The following CDH13 variants were observed in gnomAD, a reference collection of about 807,000 sequenced individuals.
CDH13 encodes the protein cadherin-13.
CDH13 carries 24 observed loss-of-function variants against 63.8 expected under a neutral mutation model. That is an observed-to-expected ratio of 0.38 (90% CI 0.27 to 0.53). CDH13 has a LOEUF of 0.53. Among genes scored for constraint, CDH13 ranks in the 20% least tolerant of loss-of-function variants. The pLI, the probability that CDH13 is intolerant of heterozygous loss-of-function variation, is 0.85. For synonymous variants in CDH13, 503 were observed against 355.3 expected (o/e 1.42, Z -4.67); for missense variants, 1,049 against 903.1 (o/e 1.16, Z -2.07).
intron 2 of CDH13, among the ~76,000 whole-genome samples, chr16:82,876,683 A>G (rs567154912): frequency 6.6e-6 from 1 of 152,176 alleles, no homozygotes; most frequent in Non-Finnish European, 1.5e-5. Flanking sequence ...CCAGTTTGGG[A>G]TGTCTTTATT....
In CDH13 at chr16:82,885,952, A is replaced by G. The variant is rs181232856; in HGVS notation, c.157+27479A>G. 2.2e-4 allele frequency among the ~76,000 whole-genome samples: 33 copies of G among 152,330 alleles called. 1 individual carries two copies. Among genetic ancestry groups the G allele is most frequent in the Admixed American group, 1.6e-3 (24 of 15,302 alleles). On this transcript the variant is annotated intron_variant, in intron 2 of 13. Transcript: ENST00000567109. ...AATATTAGCTGTCTTTATCATTATT[A>G]TCCTCTTGCTAACTTAACAGAGTTT... is the stretch of plus-strand genomic sequence containing the variant.
intron 1 of CDH13, chr16:82,719,598 C>T: frequency 5.7e-6 from 2 of 353,960 alleles, no homozygotes; most frequent in Non-Finnish European, 1.1e-5. Context: ...GTAATCCCAG[C>T]ACTTTGACAA....
chr16:83,267,404 C>T (rs1162466046), intron 5 of CDH13, among the ~76,000 whole-genome samples: 1 of 152,134 alleles, frequency 6.6e-6, no homozygotes, highest in Non-Finnish European at 1.5e-5. Flanking sequence ...GAGGCAGGCA[C>T]ATCGGCTTAT....
intron 2 of CDH13, among the ~76,000 whole-genome samples, chr16:83,018,010 T>G (rs1247024335): frequency 6.6e-6 from 1 of 152,218 alleles, no homozygotes; most frequent in African/African-American, 2.4e-5. Flanking sequence ...AAAACTCTCT[T>G]CTTTTTCACT....
intron 8 of CDH13, among the ~76,000 whole-genome samples, chr16:83,669,925 C>T (rs1257817357): frequency 6.6e-6 from 1 of 152,218 alleles, no homozygotes; most frequent in African/African-American, 2.4e-5. Context: ...CAAAACAATA[C>T]TTTATGCTTT....
At chr16:82,658,063 TTTA>T (rs1243770306) in intron 1 of CDH13, among the ~76,000 whole-genome samples, 1 of 152,226 alleles carries the variant, frequency 6.6e-6, no homozygotes, top group African/African-American at 2.4e-5. Context: ...GTAGTTGTTC[TTTA>T]TTAAGTTGAA....
chr16:82,786,218 C>T (rs2151125095), intron 1 of CDH13, among the ~76,000 whole-genome samples: 1 of 152,134 alleles, frequency 6.6e-6, no homozygotes, highest in East Asian at 1.9e-4. Context: ...AAGAATTGCA[C>T]ATACTGACAT....
At chr16:83,406,420 C>CCG (rs1407298837) in intron 6 of CDH13, among the ~76,000 whole-genome samples, 11 of 149,140 alleles carry the variant, frequency 7.4e-5, no homozygotes, top group Non-Finnish European at 1.0e-4. Flanking sequence ...CTTTCTTTCC[C>CCG]CCCCCGCCTC....
chr16:82,708,769 C>T (rs1039402692), intron 1 of CDH13, among the ~76,000 whole-genome samples: 3 of 152,188 alleles, frequency 2.0e-5, no homozygotes, highest in African/African-American at 7.2e-5. Context: ...GAGAAGCTGT[C>T]AGTTTTCTGA....
intron 6 of CDH13, among the ~76,000 whole-genome samples, chr16:83,395,240 G>C (rs1349680728): frequency 6.6e-6 from 1 of 151,804 alleles, no homozygotes; most frequent in Non-Finnish European, 1.5e-5. Context: ...CTGGAACCTA[G>C]GAGGCGGAGG....
chr16:83,571,728 C>G (rs560450102), intron 7 of CDH13, among the ~76,000 whole-genome samples: 1 of 152,204 alleles, frequency 6.6e-6, no homozygotes, highest in Non-Finnish European at 1.5e-5. Context: ...TAATTCACCC[C>G]TCAATTACTC....
At chr16:82,859,853 G>C (rs1597824109) in intron 2 of CDH13, 1 of 152,162 alleles carries the variant, frequency 6.6e-6, no homozygotes, top group African/African-American at 2.4e-5. Context: ...GCTGTCCAAG[G>C]TGAAGCCCGT....
At chr16:82,893,839 T>C (rs1050028619) in intron 2 of CDH13, among the ~76,000 whole-genome samples, 4 of 152,150 alleles carry the variant, frequency 2.6e-5, no homozygotes, top group Admixed American at 2.0e-4. Flanking sequence ...ATGTGACTTA[T>C]CGCTAAGCTC....
intron 4 of CDH13, among the ~76,000 whole-genome samples, chr16:83,159,648 G>A (rs1005450332): frequency 6.6e-6 from 1 of 152,160 alleles, no homozygotes; most frequent in East Asian, 1.9e-4. Flanking sequence ...GGTCACAGTG[G>A]TCACTAAAGG....
chr16:82,627,096 C>T lies in CDH13; in HGVS notation c.4C>T (p.Gln2Ter). The change falls in exon 1 of 14, where the codon CAG (glutamine) becomes TAG (stop). Residue 2 changes from glutamine to a stop codon, truncating the protein, a stop_gained. Transcript: ENST00000567109. LOFTEE classifies it high-confidence loss of function. M[Q>*]PRTPLVLCVL... ...CGGGCGCTTCTAGTCGGACAAAATG[C>T]AGCCGAGAACTCCGCTCGTTCTGTG... The T allele has an allele frequency of 1.2e-6, 2 of 1,603,284 alleles. No homozygotes were observed. The highest frequency in any genetic ancestry group is 1.3e-5 in the African/African-American group (1 of 74,840).
chr16:83,171,534 C>T (rs2037916595), intron 4 of CDH13: 1 of 1,534,252 alleles, frequency 6.5e-7, no homozygotes, highest in Non-Finnish European at 8.7e-7. Context: ...GAAGATTTGG[C>T]AAGTTCTGTG....
At chr16:83,154,446 G>A (rs114481171) in intron 4 of CDH13, among the ~76,000 whole-genome samples, 2,276 of 151,704 alleles carry the variant, frequency 0.015, 66 homozygotes, top group African/African-American at 0.052. Context: ...ATACACCTGT[G>A]GTCCCAGCTA....
chr16:82,856,443 T>G (rs1161824955), intron 1 of CDH13, among the ~76,000 whole-genome samples: 1 of 149,624 alleles, frequency 6.7e-6, no homozygotes, highest in Non-Finnish European at 1.5e-5. Flanking sequence ...GGCTCACGCC[T>G]GTAGTCTTGG....
At chr16:83,520,530 T>C (rs562392606) in intron 7 of CDH13, among the ~76,000 whole-genome samples, 1 of 152,268 alleles carries the variant, frequency 6.6e-6, no homozygotes, top group East Asian at 1.9e-4. Context: ...GTGAATAATA[T>C]GTTTAGGCAA....
Sources: allele counts gnomAD v4.1 joint callset (sites outside exome capture counted in the v4.1 genomes callset), GRCh38; gene constraint gnomAD v4.1.1; transcripts MANE v1.5; gene names NCBI Gene and HGNC (gene_info 2026-07-23, HGNC 2026-07-21).